The following CFAP299 variants were observed in gnomAD, a reference collection of about 807,000 sequenced individuals.
CFAP299 encodes the protein cilia- and flagella-associated protein 299.
CFAP299 carries 21 observed loss-of-function variants against 27.0 expected under a neutral mutation model. That is an observed-to-expected ratio of 0.78 (90% CI 0.55 to 1.12). The LOEUF (loss-of-function observed/expected upper bound fraction) is 1.12, where lower values mean the gene tolerates loss of function less well. Among genes scored for constraint, CFAP299 ranks in the 50% most tolerant of loss-of-function variants. CFAP299 has a pLI of 0.00. For missense variants in CFAP299, 310 were observed against 276.6 expected, an observed-to-expected ratio of 1.12 and a Z score of -0.86; for synonymous variants, 104 against 98.1, an observed-to-expected ratio of 1.06 and a Z score of -0.36.
chr4:80,606,904 C>G (rs182398513), intron 3 of CFAP299, among the ~76,000 whole-genome samples: 48 of 152,144 alleles, frequency 3.2e-4, no homozygotes, highest in African/African-American at 1.1e-3. Flanking sequence ...AGATAAATTT[C>G]CAGCAGGCTA....
chr4:80,690,135 G>A lies in CFAP299; in HGVS notation c.333+106952G>A, dbSNP rs189049927. Among the ~76,000 whole-genome samples, 758 of 143,188 alleles carry A rather than the reference G, an allele frequency of 5.3e-3. 82 individuals carry two copies. The highest frequency in any genetic ancestry group is 0.021 in the African/African-American group (707 of 34,318). The allele number at this position is 143,188 out of a possible 152,430, so 93.9% of individuals were successfully genotyped here. A position where few individuals can be genotyped will look rare whatever the true frequency, so the allele number is the denominator to read the frequency against. ...CACTGTCAACATTAGGCAGATCAAC[G>A]AGACAGAAAATCAACAAGGATACCC... On this transcript the variant is annotated intron_variant, in intron 3 of 5. Transcript: ENST00000358105.
At chr4:80,351,976 G>A (rs1190516119) in intron 1 of CFAP299, among the ~76,000 whole-genome samples, 1 of 151,336 alleles carries the variant, frequency 6.6e-6, no homozygotes, top group Non-Finnish European at 1.5e-5. Context: ...TGGGAAATAT[G>A]TATTATACAA....
At chr4:80,444,843 C>G (rs1728537890) in intron 2 of CFAP299, among the ~76,000 whole-genome samples, 1 of 151,926 alleles carries the variant, frequency 6.6e-6, no homozygotes, top group Non-Finnish European at 1.5e-5. Flanking sequence ...AAAAAAACAA[C>G]CCCATCAACA....
At position 80,478,064 on chromosome 4, in the gene CFAP299, A is replaced by T. The variant is rs962545990; in HGVS notation, c.243-105029A>T. 3.9e-5 allele frequency among the ~76,000 whole-genome samples: 6 copies of T among 152,058 alleles called. 1 individual carries two copies. The highest frequency in any genetic ancestry group is 3.9e-4 in the Admixed American group (6 of 15,262). ...TAAACTCAAACATTATTGCTCATTT[A>T]CTCCCCCAGAAAATTTTCAAAAACT... On this transcript the variant is annotated intron_variant, in intron 2 of 5. Coordinates refer to ENST00000358105, the MANE Select transcript of CFAP299 (RefSeq NM_152770.3).
intron 2 of CFAP299, among the ~76,000 whole-genome samples, chr4:80,521,488 A>G (rs962330335): frequency 1.3e-5 from 2 of 152,188 alleles, no homozygotes; most frequent in Admixed American, 1.3e-4. Flanking sequence ...CATGAAATCT[A>G]TCTGCTTAAC....
chr4:80,603,402 A>G (rs986925831), intron 3 of CFAP299, among the ~76,000 whole-genome samples: 5 of 152,176 alleles, frequency 3.3e-5, no homozygotes, highest in African/African-American at 1.2e-4. Flanking sequence ...ATACATACAT[A>G]TATGTACATA....
chr4:80,635,935 A>C (rs1428986332), intron 3 of CFAP299, among the ~76,000 whole-genome samples: 2 of 152,150 alleles, frequency 1.3e-5, no homozygotes, highest in Non-Finnish European at 2.9e-5. Context: ...GTAGTTTCAC[A>C]TTCTGGTAAA....
Position 80,583,079 on chromosome 4 carries a change from T to A in CFAP299, c.243-14T>A, listed in dbSNP as rs1259543280. ...TTATCTAATATATTATAACTGAAGA[T>A]CTGCCTTTTACAGGACGCTAACAAG... is the stretch of plus-strand genomic sequence containing the variant. On this transcript the variant is annotated splice_polypyrimidine_tract_variant and intron_variant, in intron 2 of 5. Transcript: ENST00000358105. The A allele has an allele frequency of 1.9e-6, 3 of 1,564,736 alleles. No homozygotes were observed. The highest frequency in any genetic ancestry group is 2.6e-6 in the Non-Finnish European group (3 of 1,144,840).
At chr4:80,575,207 T>C (rs1578620737) in intron 2 of CFAP299, among the ~76,000 whole-genome samples, 1 of 152,152 alleles carries the variant, frequency 6.6e-6, no homozygotes, top group Non-Finnish European at 1.5e-5. Flanking sequence ...TACATATCTA[T>C]ACATTTATTC....
At chr4:80,486,273 A>G (rs1730814841) in intron 2 of CFAP299, among the ~76,000 whole-genome samples, 2 of 152,190 alleles carry the variant, frequency 1.3e-5, no homozygotes, top group Admixed American at 6.5e-5. Context: ...AAGCCTGCAA[A>G]TGCCAGTAAT....
chr4:80,532,411 T>A (rs1265240191), intron 2 of CFAP299, among the ~76,000 whole-genome samples: 2 of 152,156 alleles, frequency 1.3e-5, no homozygotes, highest in Non-Finnish European at 2.9e-5. Context: ...TTTAAAAAAA[T>A]TTCTTTGCAC....
chr4:80,745,625 A>T (rs1022826126), intron 3 of CFAP299, among the ~76,000 whole-genome samples: 11 of 152,224 alleles, frequency 7.2e-5, no homozygotes, highest in East Asian at 3.9e-4. Context: ...AATTCAGTTT[A>T]TATTATTATT....
At chr4:80,665,811 T>C (rs1577992678) in intron 3 of CFAP299, among the ~76,000 whole-genome samples, 1 of 152,172 alleles carries the variant, frequency 6.6e-6, no homozygotes. Flanking sequence ...ACAATCGCCT[T>C]GGTACTGTTC....
rs151071943 is a variant in CFAP299, at chr4:80,959,040, T to G, written c.607-4477T>G. Reference sequence around the variant, plus strand: ...ATGTGAGCAGTCTGGTGAGAGTTTATAGTAAGAATAATGCAACAGACAAGG... The same window carrying G: ...ATGTGAGCAGTCTGGTGAGAGTTTAGAGTAAGAATAATGCAACAGACAAGG... On this transcript the variant is annotated intron_variant, in intron 5 of 5. Coordinates refer to ENST00000358105, the MANE Select transcript of CFAP299 (RefSeq NM_152770.3). Among the ~76,000 whole-genome samples, 10 of 152,276 alleles carry G rather than the reference T, an allele frequency of 6.6e-5. No homozygotes were observed. In the East Asian group the frequency reaches 1.9e-3, roughly 29 times the overall value.
chr4:80,741,636 T>G (rs1053707405), intron 3 of CFAP299, among the ~76,000 whole-genome samples: 4 of 152,172 alleles, frequency 2.6e-5, no homozygotes, highest in Admixed American at 6.5e-5. Context: ...TTGCATGAGA[T>G]ATACTGCCTT....
chr4:80,529,200 C>T (rs1482138856), intron 2 of CFAP299, among the ~76,000 whole-genome samples: 1 of 152,132 alleles, frequency 6.6e-6, no homozygotes, highest in Non-Finnish European at 1.5e-5. Flanking sequence ...TCTCTGCCAG[C>T]ATCATGTTCT....
At chr4:80,932,343 A>G (rs536843229) in intron 4 of CFAP299, among the ~76,000 whole-genome samples, 2 of 152,278 alleles carry the variant, frequency 1.3e-5, no homozygotes, top group East Asian at 3.9e-4. Context: ...TAGAGATACA[A>G]TATATAGTCA....
chr4:80,425,730 G>A (rs924679740), intron 2 of CFAP299, among the ~76,000 whole-genome samples: 1 of 152,152 alleles, frequency 6.6e-6, no homozygotes, highest in Non-Finnish European at 1.5e-5. Flanking sequence ...TTAATCACAT[G>A]TTGCCTTGTT....
At chr4:80,401,589 A>G (rs1457086927) in intron 2 of CFAP299, among the ~76,000 whole-genome samples, 2 of 152,222 alleles carry the variant, frequency 1.3e-5, no homozygotes, top group African/African-American at 4.8e-5. Flanking sequence ...AAGATGTATG[A>G]AAACACCTGA....
Sources: allele counts gnomAD v4.1 joint callset (sites outside exome capture counted in the v4.1 genomes callset), GRCh38; gene constraint gnomAD v4.1.1; transcripts MANE v1.5; gene names NCBI Gene and HGNC (gene_info 2026-07-23, HGNC 2026-07-21).